DCUN1D4: variants seen among roughly 807,000 people sequenced by gnomAD.
DCUN1D4 encodes the protein defective in cullin neddylation 1 domain containing 4.
A neutral mutation model predicts 47.9 loss-of-function variants in DCUN1D4; 22 were observed. The ratio of observed to expected loss-of-function variants is 0.46; its 90% confidence interval spans 0.33 to 0.66. The LOEUF is 0.66. DCUN1D4 is among the 30% of genes least tolerant of loss of function. The pLI is 0.02. For synonymous variants in DCUN1D4, 121 were observed against 112.2 expected, an observed-to-expected ratio of 1.08 and a Z score of -0.50; for missense variants, 301 against 340.8, an observed-to-expected ratio of 0.88 and a Z score of 0.92.
upstream of DCUN1D4, among the ~76,000 whole-genome samples, chr4:51,842,385 C>T (rs1256664886): frequency 6.6e-6 from 1 of 152,172 alleles, no homozygotes; most frequent in Non-Finnish European, 1.5e-5. Flanking sequence ...GCCTCTTTAA[C>T]AGACATTAGT....
chr4:51,843,253 A>T lies in DCUN1D4; in HGVS notation c.11A>T (p.Asp4Val), dbSNP rs1222633941. 1 of 1,542,238 alleles carries T rather than the reference A, an allele frequency of 6.5e-7. No homozygotes were observed. Among genetic ancestry groups the T allele is most frequent in the South Asian group, 1.2e-5 (1 of 82,962 alleles). Residue 4 changes from aspartate (D) to valine (V), a missense_variant, in exon 1 of 11, where the codon GAT becomes GTT. Physicochemically the swap from Asp to Val is radical, Grantham distance 152. This residue lies in a region of DCUN1D4 where 131 missense variants were observed against 106.3 expected (regional missense o/e 1.23). Coordinates refer to ENST00000334635, the MANE Select transcript of DCUN1D4 (RefSeq NM_001040402.3). ...GTGAGCTGCCTGAAAATGCACTCGG[A>T]TGCCGCCGCTGTCAGTGAGTAGCAG... MHS[D>V]AAAVNFQLNS...
At chr4:51,859,142 A>G (rs1007950763) in intron 1 of DCUN1D4, among the ~76,000 whole-genome samples, 2 of 152,118 alleles carry the variant, frequency 1.3e-5, no homozygotes, top group African/African-American at 4.8e-5. Context: ...AGGAATTTTG[A>G]TTGCATTAAT....
chr4:51,908,911 A>G (rs1435163437), intron 8 of DCUN1D4: 7 of 455,998 alleles, frequency 1.5e-5, no homozygotes, highest in Non-Finnish European at 3.1e-5. Context: ...TCTTTCTCTT[A>G]TTTGCTAGGC....
intron 1 of DCUN1D4, among the ~76,000 whole-genome samples, chr4:51,853,440 T>C (rs1167720514): frequency 6.6e-6 from 1 of 152,234 alleles, no homozygotes; most frequent in Non-Finnish European, 1.5e-5. Flanking sequence ...TTTACCCTGC[T>C]TTTCAGCTCT....
chr4:51,906,178 G>A (rs75337121), intron 8 of DCUN1D4, among the ~76,000 whole-genome samples: 2,004 of 152,240 alleles, frequency 0.013, 17 homozygotes, highest in Non-Finnish European at 0.023. Context: ...GAGCAAGTCT[G>A]TCAGCCCCTC....
At chr4:51,910,574 C>A (rs1395522392) in intron 8 of DCUN1D4, among the ~76,000 whole-genome samples, 3 of 152,094 alleles carry the variant, frequency 2.0e-5, no homozygotes, top group African/African-American at 7.2e-5. Flanking sequence ...AAGTCAATTC[C>A]AGCATGTTTA....
chr4:51,879,476 A>G (rs917879153), intron 5 of DCUN1D4, among the ~76,000 whole-genome samples: 1 of 152,160 alleles, frequency 6.6e-6, no homozygotes, highest in African/African-American at 2.4e-5. Flanking sequence ...TTGTGGTGAC[A>G]TGCACCTGTA....
Position 51,913,283 on chromosome 4 carries a change from C to T in DCUN1D4, c.721-7C>T, listed in dbSNP as rs759267380. On this transcript the variant is annotated splice_polypyrimidine_tract_variant and splice_region_variant and intron_variant, in intron 9 of 10. Transcript: ENST00000334635. ...TCAGTAATTCATATTACTTTTCCCT[C>T]CATCAGCAATCAAAATACAAAGTTA... 6 of 1,573,860 alleles carry T rather than the reference C, an allele frequency of 3.8e-6. No homozygotes were observed. Among genetic ancestry groups the T allele is most frequent in the African/African-American group, 1.4e-5 (1 of 73,934 alleles).
At chr4:51,843,576 T>C in intron 1 of DCUN1D4, 1 of 1,042,466 alleles carries the variant, frequency 9.6e-7, no homozygotes, top group Non-Finnish European at 1.1e-6. Flanking sequence ...GATCGGAGTG[T>C]CCGGGGTGCA....
In DCUN1D4 at chr4:51,843,341, C is replaced by T. The variant is rs1363970322; in HGVS notation, c.25+74C>T. The stretch of plus-strand genomic sequence containing the variant: ...ACTCGCCACTCGGCTCCCGCAGTCC[C>T]CGCCCCACGCCTCGGGTCCCGAAAC... On this transcript the variant is annotated intron_variant, in intron 1 of 10. Coordinates refer to ENST00000334635, the MANE Select transcript of DCUN1D4 (RefSeq NM_001040402.3). The T allele has an allele frequency of 3.4e-6, 5 of 1,453,092 alleles. No homozygotes were observed. In the East Asian group the frequency reaches 1.5e-4, roughly 44 times the overall value. 90.0% of individuals were successfully genotyped at this position (1,453,092 alleles called of 1,614,324 possible).
At chr4:51,869,545 T>G (rs1376110840) in intron 3 of DCUN1D4, among the ~76,000 whole-genome samples, 1 of 152,180 alleles carries the variant, frequency 6.6e-6, no homozygotes, top group Non-Finnish European at 1.5e-5. Flanking sequence ...GTAAAATATA[T>G]TCTCTAATTT....
upstream of DCUN1D4, among the ~76,000 whole-genome samples, chr4:51,840,818 G>T (rs1040833844): frequency 4.6e-5 from 7 of 152,174 alleles, no homozygotes; most frequent in African/African-American, 1.7e-4. Flanking sequence ...TGTAAAACGT[G>T]GGGGCAGTGA....
intron 1 of DCUN1D4, among the ~76,000 whole-genome samples, chr4:51,856,097 A>G (rs1724096638): frequency 1.3e-5 from 2 of 152,218 alleles, no homozygotes; most frequent in African/African-American, 2.4e-5. Context: ...TTCCAGAGAC[A>G]TTTAGATGAG....
At chr4:51,858,583 G>A (rs986473013) in intron 1 of DCUN1D4, among the ~76,000 whole-genome samples, 1 of 152,154 alleles carries the variant, frequency 6.6e-6, no homozygotes, top group Non-Finnish European at 1.5e-5. Flanking sequence ...TTGCCCCTCT[G>A]TTTACTGAAT....
the DCUN1D4 span, among the ~76,000 whole-genome samples, chr4:51,834,084 C>T: frequency 0.06 from 2,665 of 44,730 alleles, 311 homozygotes; most frequent in African/African-American, 0.27. Flanking sequence ...CTCTCTCTCT[C>T]TCTTTTCTTT....
At chr4:51,835,944 T>G in the DCUN1D4 span, among the ~76,000 whole-genome samples, 2 of 152,168 alleles carry the variant, frequency 1.3e-5, no homozygotes, top group Admixed American at 1.3e-4. Context: ...CTTAAAATAC[T>G]GGCCCCCCAA....
chr4:51,886,829 A>G (rs1380742319), intron 6 of DCUN1D4, 191 bp downstream of exon 6: 4 of 566,576 alleles, frequency 7.1e-6, no homozygotes, highest in African/African-American at 5.7e-5. Flanking sequence ...ATATGGTGTA[A>G]CTACAGTTAT....
chr4:51,847,727 T>G (rs2109802126), intron 1 of DCUN1D4, among the ~76,000 whole-genome samples: 1 of 152,142 alleles, frequency 6.6e-6, no homozygotes, highest in Admixed American at 6.5e-5. Flanking sequence ...TAGCTGAAGT[T>G]ATAGATGCAC....
chr4:51,897,418 T>C (rs750664070), intron 7 of DCUN1D4, among the ~76,000 whole-genome samples: 7 of 152,212 alleles, frequency 4.6e-5, no homozygotes, highest in Non-Finnish European at 1.0e-4. Context: ...ACAAAATATA[T>C]TGATAATACT....
Sources: gnomAD v4.1 joint callset for allele counts (sites outside exome capture counted in the v4.1 genomes callset) on GRCh38, gnomAD v4.1.1 for gene constraint, gnomAD v4.1.1 regional missense constraint, MANE v1.5 for transcripts, NCBI Gene and HGNC (gene_info 2026-07-23, HGNC 2026-07-21) for gene names.